The following PFKFB1 variants were observed in gnomAD, a reference collection of about 807,000 sequenced individuals.
PFKFB1 encodes 6-phosphofructo-2-kinase/fructose-2,6-biphosphatase 1, also known as 6-phosphofructo-2-kinase/fructose-2,6-bisphosphatase 1.
Under a neutral mutation model 46.4 loss-of-function variants are expected in PFKFB1, and 34 were observed. The observed-to-expected ratio is 0.73, with a 90% confidence interval of 0.56 to 0.98. The LOEUF is 0.98. Among genes scored for constraint, PFKFB1 ranks in the 50% least tolerant of loss-of-function variants. PFKFB1 has a pLI of 0.00. For missense variants in PFKFB1, 393 were observed against 376.3 expected (o/e 1.04, Z -0.37); for synonymous variants, 119 against 133.8 (o/e 0.89, Z 0.76).
At position 54,937,656 on chromosome X, in the gene PFKFB1, C is replaced by CA. The variant is rs1933449076; in HGVS notation, c.1166dup (p.Val390GlyfsTer18). On this transcript the variant is annotated frameshift_variant, in exon 11 of 14. Transcript: ENST00000375006. LOFTEE classifies it high-confidence loss of function. ...GCATGACAGCCTGGTGGCAGATCAC[C>CA]AGTACATTCTCCTGTCGTTCTAGCT... The CA allele has an allele frequency of 8.3e-7, 1 of 1,206,232 alleles. No homozygotes were observed. Among genetic ancestry groups the CA allele is most frequent in the Non-Finnish European group, 1.1e-6 (1 of 891,588 alleles).
chrX:54,988,014 T>G (rs1935149116), intron 1 of PFKFB1, among the ~76,000 whole-genome samples: 1 of 110,744 alleles, frequency 9.0e-6, no homozygotes, highest in Non-Finnish European at 1.9e-5. Context: ...AAAAAGAAAA[T>G]AAAAGGCATC....
At chrX:54,949,316 T>C in intron 8 of PFKFB1, 95 bp from the exon 9 acceptor site, 1 of 683,564 alleles carries the variant, frequency 1.5e-6, no homozygotes, top group Non-Finnish European at 2.1e-6. Flanking sequence ...CTGCCACAAA[T>C]TGAGTGGTGA....
chrX:54,933,298 G>T lies in PFKFB1; in HGVS notation c.*105C>A. On this transcript the variant is annotated 3_prime_UTR_variant, in exon 14 of 14. Coordinates refer to ENST00000375006, the MANE Select transcript of PFKFB1 (RefSeq NM_002625.4). ...GCGGAGGACTTCTTCACTGGAAGTGGGGTGCCTCAGTGAGGCCAAGGCAGA... is the reference window on the plus strand; with the variant it reads ...GCGGAGGACTTCTTCACTGGAAGTGTGGTGCCTCAGTGAGGCCAAGGCAGA... The T allele has an allele frequency of 1.6e-6, 1 of 638,997 alleles. No homozygotes were observed. Among genetic ancestry groups the T allele is most frequent in the Non-Finnish European group, 2.5e-6 (1 of 393,340 alleles). The allele number at this position is 638,997 out of a possible 1,213,427, so 52.7% of individuals were successfully genotyped here.
chrX:54,967,321 G>C (rs1363720659), intron 1 of PFKFB1, among the ~76,000 whole-genome samples: 2 of 111,965 alleles, frequency 1.8e-5, no homozygotes, highest in African/African-American at 3.2e-5. Flanking sequence ...ACAATAACAA[G>C]CGATTTTGGA....
intron 10 of PFKFB1, 116 bp from the exon 11 acceptor site, chrX:54,937,840 G>A (rs189814786): frequency 6.1e-5 from 39 of 636,258 alleles, no homozygotes; most frequent in Non-Finnish European, 8.6e-5. Context: ...TTCAATTGTT[G>A]ACCCACCAGT....
At chrX:54,943,462 A>C (rs1431947693) in intron 10 of PFKFB1, among the ~76,000 whole-genome samples, 2 of 112,664 alleles carry the variant, frequency 1.8e-5, no homozygotes, top group African/African-American at 6.4e-5. Context: ...TTCTAAAGAA[A>C]GATGGAAGGC....
At chrX:54,963,558 A>C (rs1934384414) in intron 1 of PFKFB1, among the ~76,000 whole-genome samples, 176 bp from the exon 2 acceptor site, 1 of 112,636 alleles carries the variant, frequency 8.9e-6, no homozygotes, top group Non-Finnish European at 1.9e-5. Context: ...AGGTTGCAGT[A>C]CCACAAACCT....
intron 6 of PFKFB1, among the ~76,000 whole-genome samples, chrX:54,957,404 C>T (rs1431151981): frequency 9.0e-6 from 1 of 110,876 alleles, no homozygotes; most frequent in Non-Finnish European, 1.9e-5. Context: ...TGTATATATA[C>T]TTGCCAGTCT....
At chrX:54,950,440 TAC>T (rs1416286808) in intron 8 of PFKFB1, among the ~76,000 whole-genome samples, 1 of 112,081 alleles carries the variant, frequency 8.9e-6, no homozygotes, top group Non-Finnish European at 1.9e-5. Context: ...CACAGCCTGG[TAC>T]ACAGTGGGTG....
At chrX:54,954,312 G>A (rs1016793122) in intron 7 of PFKFB1, among the ~76,000 whole-genome samples, 4 of 109,279 alleles carry the variant, frequency 3.7e-5, no homozygotes, top group Admixed American at 9.6e-5. Context: ...TCAGGAGTTC[G>A]AGAACAGCCT....
intron 13 of PFKFB1, 118 bp downstream of exon 13, chrX:54,933,703 C>T: frequency 1.6e-6 from 1 of 609,724 alleles, no homozygotes; most frequent in Non-Finnish European, 2.7e-6. Flanking sequence ...CTGTTTGCTC[C>T]ATCTGTTGGT....
Position 54,935,028 on chromosome X carries a change from C to T in PFKFB1, c.1229-19G>A, listed in dbSNP as rs1933339144. 1.7e-6 allele frequency: 2 copies of T among 1,175,525 alleles called. No individual in the cohort carries two copies. The highest frequency in any genetic ancestry group is 1.2e-6 in the Non-Finnish European group (1 of 866,286). ...AGCTCATCTAGAAAGGAACAGGAAG[C>T]AGCCCTCAGAGGCAGGGTGCTGGCC... On this transcript the variant is annotated intron_variant, in intron 11 of 13. Coordinates refer to ENST00000375006, the MANE Select transcript of PFKFB1 (RefSeq NM_002625.4).
At chrX:54,948,554 G>C (rs1290519220) in intron 9 of PFKFB1, among the ~76,000 whole-genome samples, 1 of 112,069 alleles carries the variant, frequency 8.9e-6, no homozygotes, top group Non-Finnish European at 1.9e-5. Context: ...CTTTTCTTCA[G>C]ATCTCACTAT....
At chrX:54,993,806 T>G in intron 1 of PFKFB1, 105 bp downstream of exon 1, 1 of 1,054,202 alleles carries the variant, frequency 9.5e-7, no homozygotes, top group Non-Finnish European at 1.3e-6. Flanking sequence ...ATTCCAACTT[T>G]TAGGTTGAGG....
intron 1 of PFKFB1, among the ~76,000 whole-genome samples, chrX:54,989,589 T>C (rs1935190903): frequency 8.9e-6 from 1 of 112,238 alleles, no homozygotes; most frequent in African/African-American, 3.2e-5. Context: ...TCGAGGTATA[T>C]AGTACACTAA....
chrX:54,992,318 T>C (rs925687691), intron 1 of PFKFB1, among the ~76,000 whole-genome samples: 1 of 112,355 alleles, frequency 8.9e-6, no homozygotes, highest in African/African-American at 3.2e-5. Context: ...ACTGCGTATG[T>C]ACTATGTGCT....
intron 8 of PFKFB1, among the ~76,000 whole-genome samples, chrX:54,950,633 C>T (rs767320822): frequency 2.7e-5 from 3 of 112,404 alleles, no homozygotes; most frequent in East Asian, 2.8e-4. Flanking sequence ...TGGGCAGGGC[C>T]GGGCTGGCTC....
chrX:54,998,420 G>A, upstream of PFKFB1: 3 of 1,150,770 alleles, frequency 2.6e-6, no homozygotes, highest in Non-Finnish European at 3.4e-6. Context: ...TATTCTAGAG[G>A]TTTTTTCTTC....
chrX:54,981,196 T>G (rs1328899597), intron 1 of PFKFB1, among the ~76,000 whole-genome samples: 4 of 110,249 alleles, frequency 3.6e-5, no homozygotes, highest in Admixed American at 2.9e-4. Context: ...AGAAAAGAAT[T>G]GATGAAAGAT....
Sources: allele counts gnomAD v4.1 joint callset (sites outside exome capture counted in the v4.1 genomes callset), GRCh38; gene constraint gnomAD v4.1.1; transcripts MANE v1.5; gene names NCBI Gene and HGNC (gene_info 2026-07-23, HGNC 2026-07-21).